EPHA6: variants seen among roughly 807,000 people sequenced by gnomAD.
EPHA6 encodes ephrin type-A receptor 6.
In EPHA6, 50 loss-of-function variants were observed where a neutral mutation model predicts 112.0. The ratio of observed to expected loss-of-function variants is 0.45; its 90% confidence interval spans 0.36 to 0.56. The LOEUF (loss-of-function observed/expected upper bound fraction) is 0.56, where lower values mean the gene tolerates loss of function less well. Ranked by LOEUF, EPHA6 falls within the 20% of genes least tolerant of loss-of-function variation. The pLI is 0.00. For synonymous variants in EPHA6, 529 were observed against 490.7 expected, an observed-to-expected ratio of 1.08 and a Z score of -1.03; for missense variants, 1,280 against 1,417.4, an observed-to-expected ratio of 0.90 and a Z score of 1.56.
At chr3:97,363,126 T>G (rs2084467003) in intron 5 of EPHA6, among the ~76,000 whole-genome samples, 1 of 135,342 alleles carries the variant, frequency 7.4e-6, no homozygotes, top group Non-Finnish European at 1.6e-5. Flanking sequence ...TAAGAGATTT[T>G]AATAGAAAAC....
intron 7 of EPHA6, among the ~76,000 whole-genome samples, chr3:97,452,356 A>G (rs907064943): frequency 2.6e-5 from 4 of 151,878 alleles, no homozygotes; most frequent in Non-Finnish European, 5.9e-5. Context: ...GTGGAGGTAG[A>G]GATATAGACA....
At chr3:97,717,354 G>C (rs554125389) in intron 14 of EPHA6, among the ~76,000 whole-genome samples, 1 of 151,952 alleles carries the variant, frequency 6.6e-6, no homozygotes, top group Admixed American at 6.5e-5. Flanking sequence ...TAGTGGTAGT[G>C]TATTAGTCTG....
chr3:97,005,180 G>A (rs1439859771), intron 3 of EPHA6, among the ~76,000 whole-genome samples: 1 of 152,118 alleles, frequency 6.6e-6, no homozygotes, highest in Non-Finnish European at 1.5e-5. Context: ...GATGGGAATA[G>A]CATTGAATCT....
chr3:97,435,783 T>G (rs1373435497), intron 6 of EPHA6, among the ~76,000 whole-genome samples: 1 of 152,154 alleles, frequency 6.6e-6, no homozygotes, highest in Non-Finnish European at 1.5e-5. Flanking sequence ...TAAAACCAGC[T>G]TAGGTTTATG....
At chr3:97,286,979 G>T in intron 5 of EPHA6, among the ~76,000 whole-genome samples, 1 of 149,194 alleles carries the variant, frequency 6.7e-6, no homozygotes. Context: ...TTATTCCTAG[G>T]TTTTTGTTTT....
At chr3:97,582,804 T>G (rs1213918589) in intron 11 of EPHA6, among the ~76,000 whole-genome samples, 1 of 152,178 alleles carries the variant, frequency 6.6e-6, no homozygotes, top group South Asian at 2.1e-4. Context: ...AGCTGGTATC[T>G]TAGCCTTAAA....
intron 5 of EPHA6, among the ~76,000 whole-genome samples, chr3:97,361,400 T>TGCCATGAATA (rs2084366677): frequency 6.6e-6 from 1 of 152,186 alleles, no homozygotes; most frequent in Non-Finnish European, 1.5e-5. Context: ...CAGGAACAGT[T>TGCCATGAATA]GCCATGAATA....
At chr3:97,013,595 G>T (rs59007167) in intron 3 of EPHA6, among the ~76,000 whole-genome samples, 1 of 152,044 alleles carries the variant, frequency 6.6e-6, no homozygotes, top group Non-Finnish European at 1.5e-5. Flanking sequence ...TAATTGTGCT[G>T]TTGCTTATAT....
At chr3:97,169,676 C>T (rs1048191594) in intron 3 of EPHA6, among the ~76,000 whole-genome samples, 1 of 152,060 alleles carries the variant, frequency 6.6e-6, no homozygotes, top group African/African-American at 2.4e-5. Context: ...AGTAGTGCTT[C>T]GTAAAATGCA....
At chr3:97,210,625 G>A (rs1257144365) in intron 3 of EPHA6, among the ~76,000 whole-genome samples, 2 of 152,128 alleles carry the variant, frequency 1.3e-5, no homozygotes, top group Non-Finnish European at 2.9e-5. Context: ...AACTAATGAT[G>A]AGAACTCGAA....
At chr3:96,990,855 C>A (rs987366807) in intron 3 of EPHA6, among the ~76,000 whole-genome samples, 7 of 151,930 alleles carry the variant, frequency 4.6e-5, no homozygotes, top group East Asian at 3.9e-4. Context: ...ATCAAAAGGT[C>A]AAACTAATTC....
At chr3:96,925,737 C>T (rs981739987) in intron 2 of EPHA6, among the ~76,000 whole-genome samples, 1 of 151,766 alleles carries the variant, frequency 6.6e-6, no homozygotes, top group Non-Finnish European at 1.5e-5. Context: ...TTCTGAGTAG[C>T]TGGGATTACG....
At chr3:97,304,980 A>G (rs2081256096) in intron 5 of EPHA6, among the ~76,000 whole-genome samples, 1 of 152,084 alleles carries the variant, frequency 6.6e-6, no homozygotes, top group Admixed American at 6.6e-5. Context: ...AAATTTTTGC[A>G]ATCTATCCAT....
intron 3 of EPHA6, among the ~76,000 whole-genome samples, chr3:97,154,979 G>A (rs2108384606): frequency 6.6e-6 from 1 of 152,160 alleles, no homozygotes; most frequent in Middle Eastern, 3.4e-3. Flanking sequence ...TATGACTTAG[G>A]TAAAATAAAG....
chr3:97,580,138 G>A (rs2093424114), intron 11 of EPHA6, among the ~76,000 whole-genome samples: 1 of 152,108 alleles, frequency 6.6e-6, no homozygotes, highest in African/African-American at 2.4e-5. Flanking sequence ...ATAATACTTT[G>A]AAAGTGGCTG....
intron 3 of EPHA6, among the ~76,000 whole-genome samples, chr3:97,181,119 G>A (rs1035059756): frequency 6.6e-6 from 1 of 152,038 alleles, no homozygotes; most frequent in Non-Finnish European, 1.5e-5. Context: ...CACCAGGTGC[G>A]TTTGGTCTGG....
chr3:97,168,573 CTG>C (rs1472696315), intron 3 of EPHA6, among the ~76,000 whole-genome samples: 5 of 145,006 alleles, frequency 3.4e-5, no homozygotes, highest in African/African-American at 1.3e-4. Flanking sequence ...CTCTTTCTCT[CTG>C]TCTCTCTCTC....
At chr3:97,233,442 G>T (rs1370957452) in intron 4 of EPHA6, among the ~76,000 whole-genome samples, 1 of 152,112 alleles carries the variant, frequency 6.6e-6, no homozygotes, top group Non-Finnish European at 1.5e-5. Context: ...CACTTAAGAG[G>T]TTCATGGTAA....
chr3:96,879,731 A>G (rs541428447), intron 2 of EPHA6, among the ~76,000 whole-genome samples: 1 of 152,160 alleles, frequency 6.6e-6, no homozygotes, highest in Non-Finnish European at 1.5e-5. Context: ...TCCTTTGTTA[A>G]GTATATTCCT....
Sources: gnomAD v4.1 joint callset for allele counts (sites outside exome capture counted in the v4.1 genomes callset) on GRCh38, gnomAD v4.1.1 for gene constraint, MANE v1.5 for transcripts, NCBI Gene and HGNC (gene_info 2026-07-23, HGNC 2026-07-21) for gene names.